ST6GALNAC3: variants seen among roughly 807,000 people sequenced by gnomAD.
The protein encoded by ST6GALNAC3 is alpha-N-acetylgalactosaminide alpha-2,6-sialyltransferase 3.
A neutral mutation model predicts 32.7 loss-of-function variants in ST6GALNAC3; 25 were observed. The observed-to-expected ratio is 0.76, with a 90% CI of 0.56 to 1.07. The LOEUF is 1.07. ST6GALNAC3 is among the 50% of genes least tolerant of loss of function. ST6GALNAC3 has a pLI of 0.00. For missense variants in ST6GALNAC3, 355 were observed against 382.4 expected, an observed-to-expected ratio of 0.93 and a Z score of 0.60; for synonymous variants, 129 against 133.1, an observed-to-expected ratio of 0.97 and a Z score of 0.21.
chr1:76,299,224 C>T (rs1017451771), intron 1 of ST6GALNAC3, among the ~76,000 whole-genome samples: 9 of 151,902 alleles, frequency 5.9e-5, no homozygotes, highest in Non-Finnish European at 1.0e-4. Context: ...GGTGTGGAGG[C>T]GGCCTTTCTC....
intron 1 of ST6GALNAC3, among the ~76,000 whole-genome samples, chr1:76,116,210 GAA>G (rs1234209500): frequency 6.6e-6 from 1 of 151,036 alleles, no homozygotes; most frequent in Non-Finnish European, 1.5e-5. Flanking sequence ...TGAAGAGAAT[GAA>G]AAAAAAAGTT....
intron 3 of ST6GALNAC3, among the ~76,000 whole-genome samples, chr1:76,624,042 C>A (rs1648809424): frequency 6.6e-6 from 1 of 151,916 alleles, no homozygotes; most frequent in Non-Finnish European, 1.5e-5. Flanking sequence ...GGGTAGGAAA[C>A]CCCCTGCCAT....
chr1:76,469,334 C>T (rs967679308), intron 3 of ST6GALNAC3, among the ~76,000 whole-genome samples: 1 of 152,038 alleles, frequency 6.6e-6, no homozygotes, highest in African/African-American at 2.4e-5. Context: ...CAGAACATAG[C>T]ATTGCTCCAG....
At chr1:76,521,079 A>C (rs1347971423) in intron 3 of ST6GALNAC3, among the ~76,000 whole-genome samples, 3 of 151,950 alleles carry the variant, frequency 2.0e-5, no homozygotes. Flanking sequence ...AATTCTTTTA[A>C]TGCCTAAGAG....
chr1:76,483,674 C>A (rs987572812), intron 3 of ST6GALNAC3, among the ~76,000 whole-genome samples: 1 of 152,208 alleles, frequency 6.6e-6, no homozygotes, highest in East Asian at 1.9e-4. Flanking sequence ...TGTAGGTTGC[C>A]TGTTCACTCT....
intron 1 of ST6GALNAC3, among the ~76,000 whole-genome samples, chr1:76,206,994 T>C (rs1654861736): frequency 6.6e-6 from 1 of 152,200 alleles, no homozygotes; most frequent in South Asian, 2.1e-4. Flanking sequence ...TCCATTGACA[T>C]TTCTTAAGAA....
chr1:76,564,826 G>A (rs1284965096), intron 3 of ST6GALNAC3, among the ~76,000 whole-genome samples: 3 of 151,970 alleles, frequency 2.0e-5, no homozygotes, highest in South Asian at 2.1e-4. Context: ...CTCAAGATCC[G>A]CCTGCTTCGG....
chr1:76,224,437 T>C lies in ST6GALNAC3; in HGVS notation c.19-89368T>C, dbSNP rs140420203. 2.3e-3 allele frequency among the ~76,000 whole-genome samples: 343 copies of C among 152,280 alleles called. 9 individuals are homozygous for C. In the East Asian group the frequency reaches 0.056, roughly 25 times the overall value. The stretch of plus-strand genomic sequence containing the variant: ...ATAGAAGACACATTCTTTACTTAGA[T>C]GGAGTTGAGATAAACTTAGAGAGTT... On this transcript the variant is annotated intron_variant, in intron 1 of 4. Coordinates refer to ENST00000328299, the MANE Select transcript of ST6GALNAC3 (RefSeq NM_152996.4).
intron 2 of ST6GALNAC3, among the ~76,000 whole-genome samples, chr1:76,369,354 A>G (rs1392418030): frequency 1.3e-5 from 2 of 152,182 alleles, no homozygotes; most frequent in African/African-American, 4.8e-5. Context: ...TTCCACTTGC[A>G]GGTAGAACAA....
intron 3 of ST6GALNAC3, among the ~76,000 whole-genome samples, chr1:76,516,994 T>C (rs1261775110): frequency 2.0e-5 from 3 of 152,116 alleles, no homozygotes; most frequent in South Asian, 2.1e-4. Context: ...CTAAGTCCTT[T>C]TATCATTTTC....
At chr1:76,566,228 A>G (rs541025590) in intron 3 of ST6GALNAC3, among the ~76,000 whole-genome samples, 8 of 152,294 alleles carry the variant, frequency 5.3e-5, no homozygotes, top group African/African-American at 1.9e-4. Flanking sequence ...AATAGCTTTC[A>G]AAAGGAACTG....
At chr1:76,408,866 G>A (rs1306139401) in intron 2 of ST6GALNAC3, among the ~76,000 whole-genome samples, 3 of 152,064 alleles carry the variant, frequency 2.0e-5, no homozygotes, top group Non-Finnish European at 2.9e-5. Flanking sequence ...GTAACCCCCC[G>A]CACCATATGC....
At chr1:76,438,753 G>T (rs1656345010) in intron 3 of ST6GALNAC3, among the ~76,000 whole-genome samples, 1 of 152,118 alleles carries the variant, frequency 6.6e-6, no homozygotes, top group African/African-American at 2.4e-5. Flanking sequence ...TTGATGCTCA[G>T]AAATGGCACC....
chr1:76,600,521 G>C (rs568232874), intron 3 of ST6GALNAC3, among the ~76,000 whole-genome samples: 2 of 152,222 alleles, frequency 1.3e-5, no homozygotes, highest in African/African-American at 4.8e-5. Context: ...ACAGGACCCT[G>C]CTCATTGTCC....
chr1:76,158,410 G>A (rs1036163393), intron 1 of ST6GALNAC3, among the ~76,000 whole-genome samples: 1 of 152,194 alleles, frequency 6.6e-6, no homozygotes, highest in Non-Finnish European at 1.5e-5. Context: ...GGGGCCCTCT[G>A]ACATGAAGGC....
intron 3 of ST6GALNAC3, among the ~76,000 whole-genome samples, chr1:76,529,461 A>G (rs1160635298): frequency 1.3e-5 from 2 of 152,168 alleles, no homozygotes; most frequent in Non-Finnish European, 2.9e-5. Context: ...GTTATTAGGC[A>G]CCTGAATATT....
intron 3 of ST6GALNAC3, among the ~76,000 whole-genome samples, chr1:76,419,725 A>G (rs930748592): frequency 2.0e-5 from 3 of 152,084 alleles, no homozygotes; most frequent in African/African-American, 7.2e-5. Context: ...TACTACGCCC[A>G]TCTGTACTAC....
At chr1:76,130,579 C>G (rs74092521) in intron 1 of ST6GALNAC3, among the ~76,000 whole-genome samples, 1 of 152,176 alleles carries the variant, frequency 6.6e-6, no homozygotes, top group Non-Finnish European at 1.5e-5. Context: ...GGGTCCTGGC[C>G]TGGCTCAGTC....
chr1:76,466,316 A>G (rs995068448), intron 3 of ST6GALNAC3, among the ~76,000 whole-genome samples: 1 of 152,048 alleles, frequency 6.6e-6, no homozygotes, highest in African/African-American at 2.4e-5. Context: ...TCTTGAGTGA[A>G]CCATTTTATT....
Sources: allele counts gnomAD v4.1 joint callset (sites outside exome capture counted in the v4.1 genomes callset), GRCh38; gene constraint gnomAD v4.1.1; transcripts MANE v1.5; gene names NCBI Gene and HGNC (gene_info 2026-07-23, HGNC 2026-07-21).